EPHA6: variants seen among roughly 807,000 people sequenced by gnomAD.
EPHA6 encodes the protein ephrin type-A receptor 6.
A neutral mutation model predicts 112.0 loss-of-function variants in EPHA6; 50 were observed. The observed-to-expected ratio is 0.45, with a 90% CI of 0.36 to 0.56. The LOEUF is 0.56. Ranked by LOEUF, EPHA6 falls within the 20% of genes least tolerant of loss-of-function variation. The pLI is 0.00. For missense variants in EPHA6, 1,280 were observed against 1,417.4 expected (o/e 0.90, Z 1.56); for synonymous variants, 529 against 490.7 (o/e 1.08, Z -1.03).
At chr3:97,271,084 A>G (rs2079862556) in intron 5 of EPHA6, among the ~76,000 whole-genome samples, 1 of 152,232 alleles carries the variant, frequency 6.6e-6, no homozygotes, top group Non-Finnish European at 1.5e-5. Flanking sequence ...GTGATCAAGG[A>G]CTAAATTGAC....
intron 3 of EPHA6, among the ~76,000 whole-genome samples, chr3:97,091,286 G>T (rs116420743): frequency 6.6e-6 from 1 of 152,074 alleles, no homozygotes; most frequent in Admixed American, 6.6e-5. Flanking sequence ...GCTCAAAAGG[G>T]ATCCCCGCAA....
chr3:97,413,714 G>T (rs2087901577), intron 6 of EPHA6, among the ~76,000 whole-genome samples: 3 of 151,804 alleles, frequency 2.0e-5, no homozygotes, highest in South Asian at 4.1e-4. Flanking sequence ...TGAGTTTGGG[G>T]TCCTGAGATT....
chr3:96,858,317 G>A (rs1364122301), intron 1 of EPHA6, among the ~76,000 whole-genome samples: 2 of 152,024 alleles, frequency 1.3e-5, no homozygotes, highest in Non-Finnish European at 2.9e-5. Context: ...CATGGTTTAG[G>A]GTAGAGCAAC....
chr3:97,525,815 G>C (rs1391217522), intron 10 of EPHA6, among the ~76,000 whole-genome samples: 1 of 152,164 alleles, frequency 6.6e-6, no homozygotes, highest in Non-Finnish European at 1.5e-5. Flanking sequence ...TTTCTGGGCA[G>C]ACTGAACTGT....
intron 2 of EPHA6, among the ~76,000 whole-genome samples, chr3:96,981,157 G>A (rs1186393853): frequency 6.6e-6 from 1 of 152,232 alleles, no homozygotes; most frequent in East Asian, 1.9e-4. Flanking sequence ...TTCCAGTTTT[G>A]CCCATTCAGT....
chr3:97,485,137 C>G (rs192704035), intron 10 of EPHA6, among the ~76,000 whole-genome samples: 1 of 152,258 alleles, frequency 6.6e-6, no homozygotes, highest in East Asian at 1.9e-4. Context: ...TTGGAAAGAG[C>G]AGAACAGATG....
At chr3:97,663,032 A>G (rs2094180251) in intron 14 of EPHA6, among the ~76,000 whole-genome samples, 2 of 152,188 alleles carry the variant, frequency 1.3e-5, no homozygotes, top group South Asian at 4.1e-4. Flanking sequence ...TACTAAGGAT[A>G]TGAGGTACAA....
intron 2 of EPHA6, among the ~76,000 whole-genome samples, chr3:96,985,316 A>T (rs1345279954): frequency 6.6e-6 from 1 of 152,214 alleles, no homozygotes; most frequent in Non-Finnish European, 1.5e-5. Flanking sequence ...TATATTCAAA[A>T]TAAAAATCAT....
At chr3:97,671,340 G>A (rs1348688926) in intron 14 of EPHA6, among the ~76,000 whole-genome samples, 2 of 152,156 alleles carry the variant, frequency 1.3e-5, no homozygotes, top group African/African-American at 4.8e-5. Context: ...CATGAAGGGT[G>A]GGGGACAGGG....
intron 7 of EPHA6, among the ~76,000 whole-genome samples, chr3:97,464,189 G>A (rs1368228953): frequency 6.6e-6 from 1 of 152,080 alleles, no homozygotes; most frequent in African/African-American, 2.4e-5. Context: ...ATTCCTGCAA[G>A]AGGGAATGTG....
At position 97,262,503 on chromosome 3, in the gene EPHA6, G is replaced by A. The variant is rs569908152; in HGVS notation, c.1606+18216G>A. Among the ~76,000 whole-genome samples, 370 of 152,238 alleles carry A rather than the reference G, an allele frequency of 2.4e-3. 3 individuals carry two copies. The highest frequency in any genetic ancestry group is 7.9e-3 in the African/African-American group (329 of 41,560). On this transcript the variant is annotated intron_variant, in intron 5 of 17. Coordinates refer to ENST00000389672, the MANE Select transcript of EPHA6 (RefSeq NM_001080448.3). ...TATTCCCTGGTAAACCTCTACACATGCATGTATTTTGTCAATTACAAAAGA... is the reference window on the plus strand; with the variant it reads ...TATTCCCTGGTAAACCTCTACACATACATGTATTTTGTCAATTACAAAAGA...
chr3:96,959,658 T>A (rs2107746939), intron 2 of EPHA6, among the ~76,000 whole-genome samples: 1 of 152,256 alleles, frequency 6.6e-6, no homozygotes, highest in Non-Finnish European at 1.5e-5. Context: ...GAACCATTTT[T>A]CATTAATTTT....
chr3:97,289,965 G>A (rs1416323646), intron 5 of EPHA6, among the ~76,000 whole-genome samples: 4 of 151,898 alleles, frequency 2.6e-5, no homozygotes, highest in Non-Finnish European at 5.9e-5. Flanking sequence ...GTTTAGTTCT[G>A]CACGGATTTT....
chr3:97,044,744 G>A (rs1336923921), intron 3 of EPHA6, among the ~76,000 whole-genome samples: 1 of 151,982 alleles, frequency 6.6e-6, no homozygotes, highest in Non-Finnish European at 1.5e-5. Flanking sequence ...TTTGTATGCG[G>A]GACACCGACT....
At chr3:97,539,146 CTTCTTTCT>C (rs2092812037) in intron 11 of EPHA6, among the ~76,000 whole-genome samples, 1 of 118,694 alleles carries the variant, frequency 8.4e-6, no homozygotes, top group African/African-American at 3.1e-5. Flanking sequence ...TTCTTTCTTT[CTTCTTTCT>C]TTTTTTTTTT....
At chr3:97,643,701 A>G (rs2094030877) in intron 14 of EPHA6, among the ~76,000 whole-genome samples, 1 of 152,152 alleles carries the variant, frequency 6.6e-6, no homozygotes, top group Non-Finnish European at 1.5e-5. Context: ...AGGCCAATAC[A>G]TAATGGTAAA....
chr3:97,540,666 A>G (rs747899523), intron 11 of EPHA6, among the ~76,000 whole-genome samples: 1 of 152,206 alleles, frequency 6.6e-6, no homozygotes, highest in Non-Finnish European at 1.5e-5. Context: ...TAACAGCTGT[A>G]AAAACATCTA....
At chr3:97,360,386 A>G (rs1474863373) in intron 5 of EPHA6, among the ~76,000 whole-genome samples, 1 of 152,208 alleles carries the variant, frequency 6.6e-6, no homozygotes, top group Non-Finnish European at 1.5e-5. Context: ...CTACTCCACT[A>G]TCTTTACAGA....
intron 1 of EPHA6, among the ~76,000 whole-genome samples, chr3:96,818,995 C>A (rs1346959629): frequency 6.6e-6 from 1 of 151,786 alleles, no homozygotes; most frequent in Non-Finnish European, 1.5e-5. Flanking sequence ...ATCCAAAGTA[C>A]AAAGATAAAA....
Sources: allele counts gnomAD v4.1 joint callset (sites outside exome capture counted in the v4.1 genomes callset), GRCh38; gene constraint gnomAD v4.1.1; transcripts MANE v1.5; gene names NCBI Gene and HGNC (gene_info 2026-07-23, HGNC 2026-07-21).